Variants in RALYL observed in about 807,000 individuals in gnomAD.
The protein encoded by RALYL is RALY RNA binding protein like.
RALYL carries 29 observed loss-of-function variants against 35.1 expected under a neutral mutation model. The ratio of observed to expected loss-of-function variants is 0.83; its 90% confidence interval spans 0.61 to 1.13. The LOEUF is 1.13. Among genes scored for constraint, RALYL ranks in the 50% most tolerant of loss-of-function variants. RALYL has a pLI of 0.00. For missense variants in RALYL, 359 were observed against 360.4 expected, an observed-to-expected ratio of 1.00 and a Z score of 0.03; for synonymous variants, 120 against 127.6, an observed-to-expected ratio of 0.94 and a Z score of 0.40.
At chr8:84,264,833 A>G (rs1432420757) in intron 1 of RALYL, among the ~76,000 whole-genome samples, 4 of 152,202 alleles carry the variant, frequency 2.6e-5, no homozygotes, top group African/African-American at 7.2e-5. Flanking sequence ...ACAAAACCTC[A>G]GTATTGTTGA....
chr8:84,264,648 T>C (rs1192585799), intron 1 of RALYL, among the ~76,000 whole-genome samples: 1 of 152,156 alleles, frequency 6.6e-6, no homozygotes, highest in African/African-American at 2.4e-5. Context: ...ATCAGTCATA[T>C]AATTGTACCT....
intron 6 of RALYL, among the ~76,000 whole-genome samples, chr8:84,862,775 G>A (rs552778877): frequency 6.6e-6 from 1 of 152,122 alleles, no homozygotes; most frequent in Non-Finnish European, 1.5e-5. Context: ...TTTTAATGAA[G>A]AAATAATTTT....
chr8:84,701,092 T>G (rs1840102593), intron 2 of RALYL, among the ~76,000 whole-genome samples: 1 of 152,110 alleles, frequency 6.6e-6, no homozygotes, highest in Non-Finnish European at 1.5e-5. Context: ...CACCCATACA[T>G]CAGGGGCGCT....
chr8:84,652,300 G>C (rs1204038044), intron 2 of RALYL, among the ~76,000 whole-genome samples: 1 of 152,038 alleles, frequency 6.6e-6, no homozygotes, highest in Non-Finnish European at 1.5e-5. Context: ...AATAGTAAGC[G>C]TAATAGATAC....
chr8:84,677,570 TTCTA>T (rs1214691917), intron 2 of RALYL, among the ~76,000 whole-genome samples: 1 of 152,180 alleles, frequency 6.6e-6, no homozygotes, highest in Non-Finnish European at 1.5e-5. Flanking sequence ...CTATAACATA[TTCTA>T]TCTAAGAATT....
rs548402562 is a variant in RALYL, at chr8:84,648,783, ATATG to A, written c.256+119212_256+119215del. 5.6e-3 allele frequency among the ~76,000 whole-genome samples: 849 copies of A among 151,032 alleles called. 9 individuals carry two copies. Among genetic ancestry groups the A allele is most frequent in the African/African-American group, 0.019 (784 of 41,306 alleles). On this transcript the variant is annotated intron_variant, in intron 2 of 8. Coordinates refer to ENST00000521268, the MANE Select transcript of RALYL (RefSeq NM_173848.7). Reference sequence around the variant, plus strand: ...TTCAATGCATTAAGTTGAATTATGAATATGTATGTGTATTATTTATATATGTATA... The same window carrying A: ...TTCAATGCATTAAGTTGAATTATGAATATGTGTATTATTTATATATGTATA...
At chr8:84,225,058 T>C (rs1823517458) in intron 1 of RALYL, among the ~76,000 whole-genome samples, 1 of 152,202 alleles carries the variant, frequency 6.6e-6, no homozygotes, top group Non-Finnish European at 1.5e-5. Flanking sequence ...TCCTCTAAAC[T>C]TTGCTGTCTC....
intron 2 of RALYL, among the ~76,000 whole-genome samples, chr8:84,627,104 C>T (rs538574259): frequency 2.0e-5 from 3 of 152,056 alleles, no homozygotes; most frequent in South Asian, 2.1e-4. Context: ...TCTGTTACAA[C>T]GCTTTTAAAT....
At chr8:84,767,228 C>G (rs1299716316) in intron 2 of RALYL, among the ~76,000 whole-genome samples, 1 of 152,118 alleles carries the variant, frequency 6.6e-6, no homozygotes, top group Non-Finnish European at 1.5e-5. Context: ...TCATTTGCCT[C>G]AAGTTAGAAT....
chr8:84,513,384 T>C (rs1329587766), intron 1 of RALYL, among the ~76,000 whole-genome samples: 1 of 152,168 alleles, frequency 6.6e-6, no homozygotes, highest in Admixed American at 6.5e-5. Flanking sequence ...TTTGTAGCTA[T>C]TTGTCAGATT....
At chr8:84,790,672 C>T (rs910208479) in intron 3 of RALYL, among the ~76,000 whole-genome samples, 2 of 152,180 alleles carry the variant, frequency 1.3e-5, no homozygotes, top group South Asian at 2.1e-4. Flanking sequence ...GAGCAAAAAA[C>T]GATTTGCAAA....
intron 1 of RALYL, among the ~76,000 whole-genome samples, chr8:84,199,148 C>A (rs1279214734): frequency 6.6e-6 from 1 of 152,118 alleles, no homozygotes; most frequent in Non-Finnish European, 1.5e-5. Flanking sequence ...CATATCCTCG[C>A]CAACATTTGT....
intron 2 of RALYL, among the ~76,000 whole-genome samples, chr8:84,615,232 G>A (rs961019658): frequency 1.3e-5 from 2 of 151,204 alleles, no homozygotes; most frequent in Admixed American, 1.3e-4. Context: ...ACCTAATTTA[G>A]CTAGTCCCAG....
chr8:84,390,107 T>C (rs1397202077), intron 1 of RALYL, among the ~76,000 whole-genome samples: 6 of 151,520 alleles, frequency 4.0e-5, no homozygotes, highest in African/African-American at 7.3e-5. Flanking sequence ...ATAATCATGG[T>C]TTTTGTCTTT....
At chr8:84,791,458 C>T (rs1214723855) in intron 3 of RALYL, among the ~76,000 whole-genome samples, 1 of 152,126 alleles carries the variant, frequency 6.6e-6, no homozygotes, top group Non-Finnish European at 1.5e-5. Context: ...CTTTGAAGCA[C>T]TTTGGGTTTC....
chr8:84,832,203 A>G (rs936085889), intron 4 of RALYL, among the ~76,000 whole-genome samples: 3 of 152,158 alleles, frequency 2.0e-5, no homozygotes, highest in African/African-American at 7.2e-5. Flanking sequence ...TACTTTGAAT[A>G]TAAGAAATGC....
intron 2 of RALYL, among the ~76,000 whole-genome samples, chr8:84,654,756 G>T (rs1375872120): frequency 6.6e-6 from 1 of 152,046 alleles, no homozygotes; most frequent in Non-Finnish European, 1.5e-5. Context: ...TGCAAAAACA[G>T]GATCTCATTT....
intron 1 of RALYL, among the ~76,000 whole-genome samples, chr8:84,460,363 C>A (rs9298425): frequency 0.056 from 8,526 of 151,690 alleles, 565 homozygotes; most frequent in African/African-American, 0.16. Context: ...TGTATACTTG[C>A]AAAGTGAAGG....
At position 84,574,949 on chromosome 8, in the gene RALYL, T is replaced by C. The variant is rs1402790365; in HGVS notation, c.256+45372T>C. On this transcript the variant is annotated intron_variant, in intron 2 of 8. Transcript: ENST00000521268. ...TTACGTGACATATAAGGTAAAAGTT[T>C]CTGGAATCCACAAAATTCTGGCTGT... is the stretch of plus-strand genomic sequence containing the variant. Among the ~76,000 whole-genome samples, 3 of 152,182 alleles carry C rather than the reference T, an allele frequency of 2.0e-5. No individual in the cohort carries two copies. The East Asian group carries it at 5.8e-4, about 29-fold the overall frequency.
Sources: allele counts gnomAD v4.1 joint callset (sites outside exome capture counted in the v4.1 genomes callset), GRCh38; gene constraint gnomAD v4.1.1; transcripts MANE v1.5; gene names NCBI Gene and HGNC (gene_info 2026-07-23, HGNC 2026-07-21).